The following ENTHD1 variants were observed in gnomAD, a reference collection of about 807,000 sequenced individuals.
ENTHD1 encodes the protein ENTH domain containing 1, also known as ENTH domain-containing protein 1.
Under a neutral mutation model 39.1 loss-of-function variants are expected in ENTHD1, and 23 were observed. The ratio of observed to expected loss-of-function variants is 0.59; its 90% CI spans 0.42 to 0.83. ENTHD1 has a LOEUF of 0.83. ENTHD1 is among the 40% of genes least tolerant of loss of function. ENTHD1 has a pLI of 0.00. For synonymous variants in ENTHD1, 230 were observed against 258.2 expected (o/e 0.89, Z 1.05); for missense variants, 624 against 705.4 (o/e 0.88, Z 1.31).
chr22:39,887,087 C>T (rs543317858), intron 2 of ENTHD1, among the ~76,000 whole-genome samples: 1 of 152,184 alleles, frequency 6.6e-6, no homozygotes, highest in South Asian at 2.1e-4. Flanking sequence ...AAATTGGAAA[C>T]TATAACCGTC....
intron 3 of ENTHD1, among the ~76,000 whole-genome samples, chr22:39,853,633 G>A (rs1017944904): frequency 2.6e-5 from 4 of 152,116 alleles, no homozygotes; most frequent in Admixed American, 6.5e-5. Context: ...GAGTACAGTG[G>A]CGTGATCTCA....
At chr22:39,871,624 T>C (rs1388424368) in intron 2 of ENTHD1, among the ~76,000 whole-genome samples, 1 of 152,192 alleles carries the variant, frequency 6.6e-6, no homozygotes, top group African/African-American at 2.4e-5. Flanking sequence ...CCTTTTTTGT[T>C]TACTGTGCTT....
At chr22:39,766,406 G>A (rs757870353) in intron 5 of ENTHD1, among the ~76,000 whole-genome samples, 8 of 152,142 alleles carry the variant, frequency 5.3e-5, no homozygotes, top group African/African-American at 1.2e-4. Context: ...TTGAATCTAC[G>A]CATTATAGAC....
chr22:39,751,642 T>G (rs1256430447), intron 6 of ENTHD1, among the ~76,000 whole-genome samples: 1 of 152,216 alleles, frequency 6.6e-6, no homozygotes, highest in African/African-American at 2.4e-5. Flanking sequence ...TTGGTATTGA[T>G]CTGGTTTACT....
At chr22:39,833,681 T>C (rs1328071488) in intron 4 of ENTHD1, among the ~76,000 whole-genome samples, 1 of 150,752 alleles carries the variant, frequency 6.6e-6, no homozygotes, top group Non-Finnish European at 1.5e-5. Flanking sequence ...TAAAGAAAAG[T>C]GAAGAGATAT....
chr22:39,778,877 G>A (rs537107693), intron 5 of ENTHD1, among the ~76,000 whole-genome samples: 7 of 152,168 alleles, frequency 4.6e-5, no homozygotes, highest in South Asian at 2.1e-4. Flanking sequence ...TACTACAAAC[G>A]TGCCCAAGAA....
rs1178718356 is a variant in ENTHD1 at position 39,861,793 on chromosome 22, A to G, written c.564T>C (p.Leu188=). 4 of 1,561,206 alleles carry G rather than the reference A, an allele frequency of 2.6e-6. No individual in the cohort carries two copies. In the East Asian group the frequency reaches 6.8e-5, roughly 27 times the overall value. Residue 188 remains leucine, a synonymous_variant, in exon 3 of 7, where the codon CTT becomes CTC. Transcript: ENST00000325157. ...TATTATGTAACCTTCCAAACTTAGG[A>G]AGCTTATACTTCTTCTCTGAAGCAG... ...DISASEKKYK[L]PKFGRLHNKR...
intron 3 of ENTHD1, among the ~76,000 whole-genome samples, chr22:39,845,452 G>A (rs1413862618): frequency 6.6e-6 from 1 of 152,070 alleles, no homozygotes; most frequent in Non-Finnish European, 1.5e-5. Context: ...GAAATGGCCT[G>A]GCAACTAAAC....
chr22:39,807,568 C>T (rs1163785629), intron 5 of ENTHD1, among the ~76,000 whole-genome samples: 2 of 152,322 alleles, frequency 1.3e-5, no homozygotes, highest in South Asian at 2.1e-4. Context: ...ATTCTCCCAA[C>T]TGGCCAAGTC....
intron 5 of ENTHD1, among the ~76,000 whole-genome samples, chr22:39,793,360 T>C (rs2065521038): frequency 6.6e-6 from 1 of 151,254 alleles, no homozygotes; most frequent in African/African-American, 2.4e-5. Context: ...TTTTTTGCTG[T>C]TGTTTGAGTT....
chr22:39,829,033 C>A (rs1415156224), intron 4 of ENTHD1, among the ~76,000 whole-genome samples: 1 of 152,156 alleles, frequency 6.6e-6, no homozygotes, highest in Non-Finnish European at 1.5e-5. Context: ...CCTAAGCAAT[C>A]ATTTATTTCT....
At chr22:39,884,136 A>G (rs1391665236) in intron 2 of ENTHD1, among the ~76,000 whole-genome samples, 1 of 152,156 alleles carries the variant, frequency 6.6e-6, no homozygotes, top group East Asian at 1.9e-4. Flanking sequence ...ATTGATCTAC[A>G]GATTCAATGT....
chr22:39,751,003 G>C (rs1391910925), intron 6 of ENTHD1: 1 of 153,288 alleles, frequency 6.5e-6, no homozygotes, highest in East Asian at 1.9e-4. Flanking sequence ...CATAAATAAA[G>C]TGAAGCTCTG....
Position 39,765,434 on chromosome 22 carries a change from C to A in ENTHD1, c.1008G>T (p.Trp336Cys), listed in dbSNP as rs112903488. ...GGCTGATAAACTCCTCTTTACTTGA[C>A]CAACATGCTGGTAAAATTGTCAATG... ...LKTLTILPAC[W>C]SSKEEFISPD... Residue 336 changes from tryptophan (W) to cysteine (C), a missense_variant, in exon 6 of 7, where the codon TGG becomes TGT. By Grantham distance (215) the Trp-to-Cys change is radical (BLOSUM62 -2). Transcript: ENST00000325157. 2 of 1,613,980 alleles carry A rather than the reference C, an allele frequency of 1.2e-6. No individual in the cohort carries two copies. The highest frequency in any genetic ancestry group is 1.1e-5 in the South Asian group (1 of 91,064).
At chr22:39,770,039 G>C (rs1400142139) in intron 5 of ENTHD1, among the ~76,000 whole-genome samples, 1 of 152,140 alleles carries the variant, frequency 6.6e-6, no homozygotes, top group Non-Finnish European at 1.5e-5. Context: ...TATCTTGTTA[G>C]GTAGACAAAG....
intron 4 of ENTHD1, among the ~76,000 whole-genome samples, chr22:39,830,232 C>T (rs774599399): frequency 2.0e-5 from 3 of 152,072 alleles, no homozygotes; most frequent in Non-Finnish European, 4.4e-5. Flanking sequence ...CACACCACCA[C>T]GCCCGGTAAT....
intron 6 of ENTHD1, among the ~76,000 whole-genome samples, chr22:39,759,804 C>T (rs1185026000): frequency 6.6e-6 from 1 of 151,920 alleles, no homozygotes; most frequent in East Asian, 1.9e-4. Context: ...TTTCTCATTT[C>T]TCTTCAGATT....
intron 4 of ENTHD1, among the ~76,000 whole-genome samples, chr22:39,825,719 G>A: frequency 6.9e-6 from 1 of 144,802 alleles, no homozygotes; most frequent in Non-Finnish European, 1.5e-5. Context: ...TTTTTTTTTT[G>A]TTTTCTTTTT....
At chr22:39,756,452 A>G (rs1183698899) in intron 6 of ENTHD1, among the ~76,000 whole-genome samples, 1 of 152,002 alleles carries the variant, frequency 6.6e-6, no homozygotes, top group Admixed American at 6.5e-5. Context: ...CTCCTGCCTC[A>G]GCCTCCTGAG....
Sources: allele counts gnomAD v4.1 joint callset (sites outside exome capture counted in the v4.1 genomes callset), GRCh38; gene constraint gnomAD v4.1.1; transcripts MANE v1.5; gene names NCBI Gene and HGNC (gene_info 2026-07-23, HGNC 2026-07-21).